The following PCDHA6 variants were observed in gnomAD, a reference collection of about 807,000 sequenced individuals.
PCDHA6 encodes the protein protocadherin alpha-6.
Under a neutral mutation model 60.3 loss-of-function variants are expected in PCDHA6, and 55 were observed. The observed-to-expected ratio is 0.91, with a 90% CI of 0.73 to 1.14. PCDHA6 has a LOEUF of 1.14. Among genes scored for constraint, PCDHA6 ranks in the 50% most tolerant of loss-of-function variants. The probability of loss-of-function intolerance (pLI) is 0.00; values close to 1 mark genes in which losing one functional copy is unlikely to be tolerated. For missense variants in PCDHA6, 1,327 were observed against 1,256.5 expected (o/e 1.06, Z -0.85); for synonymous variants, 652 against 557.9 (o/e 1.17, Z -2.38).
At chr5:140,841,533 A>T (rs2150317593) in intron 1 of PCDHA6, 20 of 1,613,658 alleles carry the variant, frequency 1.2e-5, no homozygotes, top group Non-Finnish European at 1.7e-5. Context: ...TCCAAAAGAC[A>T]CCGGGACCTT....
intron 1 of PCDHA6, chr5:140,875,825 A>G: frequency 6.2e-7 from 1 of 1,614,174 alleles, no homozygotes; most frequent in East Asian, 2.2e-5. Flanking sequence ...CAGGTTTTCC[A>G]TGTGGACGTG....
chr5:140,852,046 T>C, intron 1 of PCDHA6: 1 of 917,334 alleles, frequency 1.1e-6, no homozygotes, highest in South Asian at 5.0e-5. Flanking sequence ...TTTTGTTATG[T>C]GGTTTATATT....
At chr5:140,912,220 C>T (rs1360868463) in intron 1 of PCDHA6, among the ~76,000 whole-genome samples, 1 of 151,800 alleles carries the variant, frequency 6.6e-6, no homozygotes, top group African/African-American at 2.4e-5. Flanking sequence ...ATCTGCCTTT[C>T]CCAGTCCACT....
At chr5:140,884,536 G>A in intron 1 of PCDHA6, 11 of 1,614,090 alleles carry the variant, frequency 6.8e-6, no homozygotes, top group African/African-American at 1.3e-5. Context: ...AGAGGCGGCC[G>A]AGGGTGTGCT....
At chr5:140,876,705 C>A (rs369536692) in intron 1 of PCDHA6, 2 of 1,614,122 alleles carry the variant, frequency 1.2e-6, no homozygotes, top group Non-Finnish European at 1.7e-6. Context: ...TGCTGGACAG[C>A]GCCCTGGACC....
intron 1 of PCDHA6, chr5:140,851,749 A>C (rs2042149157): frequency 1.0e-6 from 1 of 971,858 alleles, no homozygotes; most frequent in African/African-American, 1.8e-5. Context: ...CAGAGTCTGT[A>C]ACTTAAAACA....
At chr5:140,929,213 A>G (rs199608631) in intron 1 of PCDHA6, 6 of 1,613,934 alleles carry the variant, frequency 3.7e-6, no homozygotes, top group Admixed American at 1.7e-5. Context: ...TTGCGTGGGG[A>G]GTACAATGCT....
intron 1 of PCDHA6, chr5:140,858,229 G>A (rs1335853818): frequency 6.3e-7 from 1 of 1,596,360 alleles, no homozygotes. Context: ...CGCCCACCGA[G>A]GGCGCATGTG....
At chr5:140,850,316 T>A (rs2150479207) in intron 1 of PCDHA6, 1 of 1,597,026 alleles carries the variant, frequency 6.3e-7, no homozygotes, top group African/African-American at 1.3e-5. Flanking sequence ...ACGCGTGGCT[T>A]TCATACGAGC....
chr5:140,850,026 C>T (rs2150464054), intron 1 of PCDHA6: 2 of 1,596,828 alleles, frequency 1.3e-6, no homozygotes, highest in Non-Finnish European at 1.7e-6. Context: ...CGTGTCAGTG[C>T]ACGCGGAGAG....
intron 1 of PCDHA6, chr5:140,870,762 C>T (rs1581982773): frequency 1.2e-6 from 2 of 1,613,514 alleles, no homozygotes; most frequent in East Asian, 2.2e-5. Context: ...TGCAGGTGTT[C>T]GTGCTGGACG....
chr5:140,882,451 G>C, intron 1 of PCDHA6: 1 of 1,614,040 alleles, frequency 6.2e-7, no homozygotes. Flanking sequence ...AGCTGGTGCC[G>C]CGCCTGTTCC....
chr5:140,985,394 A>C (rs2097150028), intron 3 of PCDHA6, among the ~76,000 whole-genome samples: 1 of 152,084 alleles, frequency 6.6e-6, no homozygotes, highest in South Asian at 2.1e-4. Context: ...AGTCACCCCA[A>C]CTGTTCCCCT....
chr5:140,996,848 G>A (rs560517454), intron 3 of PCDHA6, among the ~76,000 whole-genome samples: 1 of 152,254 alleles, frequency 6.6e-6, no homozygotes, highest in African/African-American at 2.4e-5. Flanking sequence ...TGCATCTTCA[G>A]AATTCTTTAT....
At chr5:140,964,699 G>A (rs2095849795) in intron 1 of PCDHA6, among the ~76,000 whole-genome samples, 1 of 151,922 alleles carries the variant, frequency 6.6e-6, no homozygotes, top group Non-Finnish European at 1.5e-5. Context: ...GAGAGATTAA[G>A]GCCTCCGAGA....
At chr5:140,876,773 C>A (rs782103064) in intron 1 of PCDHA6, 2 of 1,614,226 alleles carry the variant, frequency 1.2e-6, no homozygotes, top group South Asian at 2.2e-5. Context: ...GGCTCGCCTT[C>A]GCTGTGGGCC....
intron 1 of PCDHA6, chr5:140,968,053 A>C: frequency 6.2e-7 from 1 of 1,614,154 alleles, no homozygotes; most frequent in Non-Finnish European, 8.5e-7. Flanking sequence ...CACTGGACCG[A>C]GAGCGGGTGG....
chr5:140,969,019 G>C lies in PCDHA6; in HGVS notation c.2395-9930G>C. 3.1e-6 allele frequency: 5 copies of C among 1,614,164 alleles called. No homozygotes were observed. The South Asian group carries it at 5.5e-5, about 18-fold the overall frequency. ...GAGGCTTCTGTGGAGTAAGGGAAAG[G>C]TCCCCTGCAGAACTGTACAAACAAG... On this transcript the variant is annotated intron_variant, in intron 1 of 3. Transcript: ENST00000529310.
chr5:140,927,731 T>G lies in PCDHA6; in HGVS notation c.2395-51218T>G, dbSNP rs781789205. 19 of 1,614,078 alleles carry G rather than the reference T, an allele frequency of 1.2e-5. No individual in the cohort carries two copies. The highest frequency in any genetic ancestry group is 1.4e-5 in the Non-Finnish European group (17 of 1,180,038). ...CTAAGCAACAGCACGCAAGCAGAGC[T>G]GCGACACCGCTTTCACGTGCACCCT... On this transcript the variant is annotated intron_variant, in intron 1 of 3. Transcript: ENST00000529310.
Sources: allele counts gnomAD v4.1 joint callset (sites outside exome capture counted in the v4.1 genomes callset), GRCh38; gene constraint gnomAD v4.1.1; transcripts MANE v1.5; gene names NCBI Gene and HGNC (gene_info 2026-07-23, HGNC 2026-07-21).